The following GPC6 variants were observed in gnomAD, a reference collection of about 807,000 sequenced individuals.
The protein encoded by GPC6 is glypican 6, also known as glypican-6.
In GPC6, 14 loss-of-function variants were observed where a neutral mutation model predicts 55.2. The ratio of observed to expected loss-of-function variants is 0.25; its 90% CI spans 0.17 to 0.40. GPC6 has a LOEUF of 0.40. GPC6 is among the 10% of genes least tolerant of loss of function. GPC6 has a pLI of 1.00. For missense variants in GPC6, 641 were observed against 708.5 expected, an observed-to-expected ratio of 0.90 and a Z score of 1.08; for synonymous variants, 278 against 259.6, an observed-to-expected ratio of 1.07 and a Z score of -0.68.
intron 4 of GPC6, among the ~76,000 whole-genome samples, chr13:94,105,952 A>G (rs1005741669): frequency 1.3e-5 from 2 of 148,148 alleles, no homozygotes; most frequent in Non-Finnish European, 3.0e-5. Flanking sequence ...GCTATCCTAC[A>G]TTGGAAAGGG....
At chr13:93,579,968 G>A (rs954035343) in intron 2 of GPC6, among the ~76,000 whole-genome samples, 25 of 152,016 alleles carry the variant, frequency 1.6e-4, no homozygotes, top group African/African-American at 5.1e-4. Flanking sequence ...TCAAAATATT[G>A]TAGAAAATTC....
chr13:93,990,263 CT>C (rs886266472), intron 3 of GPC6, among the ~76,000 whole-genome samples: 30 of 147,002 alleles, frequency 2.0e-4, no homozygotes, highest in African/African-American at 3.2e-4. Flanking sequence ...TAATGTCTGC[CT>C]TTTTTTTTTA....
intron 3 of GPC6, among the ~76,000 whole-genome samples, chr13:93,926,463 G>A (rs1396203219): frequency 6.6e-6 from 1 of 152,176 alleles, no homozygotes; most frequent in Admixed American, 6.5e-5. Context: ...AATGTCAGAA[G>A]TCTCAAGTGA....
chr13:94,284,303 A>G (rs67221744), intron 4 of GPC6, among the ~76,000 whole-genome samples: 14,255 of 152,204 alleles, frequency 0.094, 905 homozygotes, highest in East Asian at 0.22. Context: ...CTTGGCCTCT[A>G]CAGGCAGTAG....
chr13:93,974,962 G>A (rs1423823409), intron 3 of GPC6, among the ~76,000 whole-genome samples: 1 of 152,114 alleles, frequency 6.6e-6, no homozygotes, highest in East Asian at 1.9e-4. Flanking sequence ...TGCAGAGCCA[G>A]GCATGTCCAG....
intron 2 of GPC6, among the ~76,000 whole-genome samples, chr13:93,627,800 CTTTTG>C (rs985487753): frequency 9.2e-5 from 14 of 152,092 alleles, no homozygotes; most frequent in African/African-American, 3.4e-4. Flanking sequence ...AGCGTGGTGT[CTTTTG>C]TTTTATTTTG....
chr13:94,053,231 C>T (rs1391344732), intron 4 of GPC6, among the ~76,000 whole-genome samples: 6 of 152,128 alleles, frequency 3.9e-5, no homozygotes, highest in East Asian at 1.9e-4. Flanking sequence ...ATGAAAGTAG[C>T]GTGTTTTTCT....
At chr13:94,150,054 C>A (rs1429807836) in intron 4 of GPC6, among the ~76,000 whole-genome samples, 2 of 152,028 alleles carry the variant, frequency 1.3e-5, no homozygotes, top group South Asian at 2.1e-4. Context: ...GTATCATGAA[C>A]TTCCTTCCCA....
rs541018978 is a variant in GPC6 at position 94,360,225 on chromosome 13, G to A, written c.1153-22189G>A. ...CATTTTTTCACACTTGCCTGTTAGA[G>A]AAATGGCATAAGTTTTATGGTATTG... On this transcript the variant is annotated intron_variant, in intron 6 of 8. Transcript: ENST00000377047. 3.3e-5 allele frequency among the ~76,000 whole-genome samples: 5 copies of A among 152,154 alleles called. No individual in the cohort carries two copies. The South Asian group carries it at 8.3e-4, about 25-fold the overall frequency.
At chr13:94,050,961 T>C (rs1165237961) in intron 4 of GPC6, among the ~76,000 whole-genome samples, 1 of 152,128 alleles carries the variant, frequency 6.6e-6, no homozygotes, top group African/African-American at 2.4e-5. Context: ...ACCAGGGCAA[T>C]CAAATGTCCC....
intron 4 of GPC6, among the ~76,000 whole-genome samples, chr13:94,035,152 A>G (rs1290520241): frequency 6.6e-6 from 1 of 151,994 alleles, no homozygotes; most frequent in Non-Finnish European, 1.5e-5. Context: ...TAATTTATTT[A>G]TATATAAAAC....
intron 1 of GPC6, among the ~76,000 whole-genome samples, chr13:93,293,694 G>C (rs1372823557): frequency 1.3e-5 from 2 of 152,062 alleles, no homozygotes; most frequent in African/African-American, 4.8e-5. Flanking sequence ...TTGAAAATTT[G>C]TTTTATTTTG....
chr13:93,900,155 G>GT (rs61353338), intron 3 of GPC6, among the ~76,000 whole-genome samples: 38,010 of 151,594 alleles, frequency 0.25, 5,137 homozygotes, highest in East Asian at 0.34. Context: ...GCACTTGCTT[G>GT]TTTTTTTTAA....
intron 2 of GPC6, among the ~76,000 whole-genome samples, chr13:93,709,616 G>A (rs968992468): frequency 3.3e-5 from 5 of 151,732 alleles, no homozygotes; most frequent in Admixed American, 1.3e-4. Flanking sequence ...GTGCAGCTGA[G>A]CATAATTTGT....
chr13:93,621,776 G>T (rs922268982), intron 2 of GPC6, among the ~76,000 whole-genome samples: 2 of 152,026 alleles, frequency 1.3e-5, no homozygotes, highest in African/African-American at 2.4e-5. Flanking sequence ...GGAATATGTG[G>T]TATTTTGTTA....
chr13:93,438,579 A>T (rs1471904327), intron 1 of GPC6, among the ~76,000 whole-genome samples: 2 of 152,200 alleles, frequency 1.3e-5, no homozygotes, highest in African/African-American at 4.8e-5. Context: ...TAATCTGAAG[A>T]TATGAATGAA....
At chr13:93,833,925 A>G (rs941770055) in intron 3 of GPC6, among the ~76,000 whole-genome samples, 5 of 152,098 alleles carry the variant, frequency 3.3e-5, no homozygotes, top group African/African-American at 1.2e-4. Flanking sequence ...TAGAAGCACT[A>G]TGTGATTCTT....
At chr13:94,039,209 C>T (rs1232806925) in intron 4 of GPC6, among the ~76,000 whole-genome samples, 2 of 151,950 alleles carry the variant, frequency 1.3e-5, no homozygotes, top group African/African-American at 4.8e-5. Context: ...CTTTAAAAGT[C>T]AGGCCAAATA....
intron 2 of GPC6, among the ~76,000 whole-genome samples, chr13:93,557,598 G>A (rs1200542693): frequency 6.6e-6 from 1 of 152,102 alleles, no homozygotes; most frequent in African/African-American, 2.4e-5. Context: ...CTGGGCAGTG[G>A]CTGAAAACCT....
Sources: allele counts gnomAD v4.1 joint callset (sites outside exome capture counted in the v4.1 genomes callset), GRCh38; gene constraint gnomAD v4.1.1; transcripts MANE v1.5; gene names NCBI Gene and HGNC (gene_info 2026-07-23, HGNC 2026-07-21).